The following KDM4C variants were observed in gnomAD, a reference collection of about 807,000 sequenced individuals.
The protein encoded by KDM4C is lysine-specific demethylase 4C.
A neutral mutation model predicts 129.3 loss-of-function variants in KDM4C; 81 were observed. The observed-to-expected ratio is 0.63, with a 90% CI of 0.52 to 0.75. KDM4C has a LOEUF of 0.75. Ranked by LOEUF, KDM4C falls within the 30% of genes least tolerant of loss-of-function variation. KDM4C has a pLI of 0.00. For missense variants in KDM4C, 1,457 were observed against 1,304.0 expected, an observed-to-expected ratio of 1.12 and a Z score of -1.81; for synonymous variants, 573 against 456.1, an observed-to-expected ratio of 1.26 and a Z score of -3.26.
chr9:7,011,852 C>A lies in KDM4C; in HGVS notation c.1941C>A (p.Ile647=). 2 of 1,613,846 alleles carry A rather than the reference C, an allele frequency of 1.2e-6. No individual in the cohort carries two copies. The highest frequency in any genetic ancestry group is 1.1e-5 in the South Asian group (1 of 91,062). The change falls in exon 13 of 22, where the codon ATC becomes ATA. Residue 647 remains isoleucine (I), a synonymous_variant. Coordinates refer to ENST00000381309, the MANE Select transcript of KDM4C (RefSeq NM_015061.6). ...TVARMKPHCA[I]CTLLMPYHKP... is the part of the protein sequence containing the mutation. ...CCAGGATGAAGCCACACTGTGCCAT[C>A]TGCACTCTGCTCATGCCGTACCACA...
At chr9:6,952,495 C>CA (rs1204549424) in intron 8 of KDM4C, among the ~76,000 whole-genome samples, 1 of 151,466 alleles carries the variant, frequency 6.6e-6, no homozygotes, top group Admixed American at 6.6e-5. Context: ...GGCTGGAGTG[C>CA]AGTGGCACGA....
chr9:7,005,975 A>G (rs2132081439), intron 12 of KDM4C, among the ~76,000 whole-genome samples: 1 of 152,288 alleles, frequency 6.6e-6, no homozygotes, highest in South Asian at 2.1e-4. Context: ...TCAAATATAT[A>G]TTTTCTAGTG....
intron 8 of KDM4C, among the ~76,000 whole-genome samples, chr9:6,970,802 C>A (rs1189648164): frequency 7.2e-6 from 1 of 138,452 alleles, no homozygotes; most frequent in East Asian, 2.5e-4. Context: ...CACCCCCCGC[C>A]CCTAACCCCC....
intron 17 of KDM4C, among the ~76,000 whole-genome samples, chr9:7,072,919 T>C (rs1274887789): frequency 6.6e-6 from 1 of 152,232 alleles, no homozygotes; most frequent in Non-Finnish European, 1.5e-5. Flanking sequence ...TTTTTAATGT[T>C]AGTAGATTGA....
At chr9:7,072,286 A>G (rs957450896) in intron 17 of KDM4C, among the ~76,000 whole-genome samples, 8 of 152,218 alleles carry the variant, frequency 5.3e-5, no homozygotes, top group African/African-American at 1.9e-4. Flanking sequence ...CATACCATCC[A>G]GCAATCCCAC....
chr9:6,842,004 A>G (rs1564138416), intron 4 of KDM4C, among the ~76,000 whole-genome samples: 1 of 152,154 alleles, frequency 6.6e-6, no homozygotes, highest in Non-Finnish European at 1.5e-5. Flanking sequence ...TTGCATATTG[A>G]TCATGGAACA....
intron 17 of KDM4C, among the ~76,000 whole-genome samples, chr9:7,051,956 A>G (rs998102976): frequency 5.9e-5 from 9 of 152,164 alleles, no homozygotes; most frequent in African/African-American, 1.9e-4. Flanking sequence ...GCCTTCACCA[A>G]ACAGGCATTG....
At chr9:6,882,207 AC>A (rs1844561057) in intron 6 of KDM4C, among the ~76,000 whole-genome samples, 1 of 152,220 alleles carries the variant, frequency 6.6e-6, no homozygotes, top group Non-Finnish European at 1.5e-5. Flanking sequence ...GTGAATTGTT[AC>A]AATTTTTATA....
At chr9:6,872,674 G>C (rs1315283536) in intron 5 of KDM4C, among the ~76,000 whole-genome samples, 1 of 152,106 alleles carries the variant, frequency 6.6e-6, no homozygotes, top group Non-Finnish European at 1.5e-5. Flanking sequence ...TTTTACCAGA[G>C]ACTAGGATGG....
chr9:6,964,183 G>A (rs1010080444), intron 8 of KDM4C, among the ~76,000 whole-genome samples: 2 of 152,068 alleles, frequency 1.3e-5, no homozygotes, highest in Admixed American at 6.5e-5. Flanking sequence ...TTGGTGTGCT[G>A]CACCCATTAA....
rs1414665128 is a variant in KDM4C, at chr9:6,829,794, A to T, written c.435+15049A>T. Among the ~76,000 whole-genome samples the T allele has an allele frequency of 2.0e-5, 3 of 152,336 alleles. No homozygotes were observed. In the South Asian group the frequency reaches 6.2e-4, roughly 32 times the overall value. ...AACCCAGCCTTGCCTGCAGGTTTAC[A>T]GAAGGGCTTTGATAAGGTATATCTA... On this transcript the variant is annotated intron_variant, in intron 4 of 21. Transcript: ENST00000381309.
intron 1 of KDM4C, among the ~76,000 whole-genome samples, chr9:6,728,654 G>A (rs900227856): frequency 6.6e-6 from 1 of 151,952 alleles, no homozygotes; most frequent in Non-Finnish European, 1.5e-5. Context: ...AGACCAGCCT[G>A]ACCAACATGG....
intron 17 of KDM4C, among the ~76,000 whole-genome samples, chr9:7,050,548 A>C (rs1830018719): frequency 6.6e-6 from 1 of 152,028 alleles, no homozygotes; most frequent in African/African-American, 2.4e-5. Flanking sequence ...TAAATAATTT[A>C]ATGTTTGGTG....
chr9:7,166,519 A>G (rs1338854553), intron 20 of KDM4C, among the ~76,000 whole-genome samples: 3 of 152,254 alleles, frequency 2.0e-5, no homozygotes, highest in East Asian at 1.9e-4. Flanking sequence ...TGACAGTCTC[A>G]AGATACAAAT....
At chr9:6,786,289 C>T (rs764990948) in intron 1 of KDM4C, among the ~76,000 whole-genome samples, 1 of 152,132 alleles carries the variant, frequency 6.6e-6, no homozygotes. Flanking sequence ...TGTCCTTTAT[C>T]ATAATGTAAA....
chr9:6,771,810 G>C (rs776401635), intron 1 of KDM4C, among the ~76,000 whole-genome samples: 4 of 151,952 alleles, frequency 2.6e-5, no homozygotes, highest in Non-Finnish European at 5.9e-5. Context: ...TGAGGGGCTC[G>C]CTGCCCAGGC....
chr9:6,926,984 A>G (rs1480825814), intron 8 of KDM4C, among the ~76,000 whole-genome samples: 1 of 152,204 alleles, frequency 6.6e-6, no homozygotes, highest in Non-Finnish European at 1.5e-5. Flanking sequence ...GAGGGAAAAT[A>G]TATTGATTGG....
At chr9:7,030,744 G>A (rs1283969321) in intron 15 of KDM4C, among the ~76,000 whole-genome samples, 1 of 152,066 alleles carries the variant, frequency 6.6e-6, no homozygotes, top group African/African-American at 2.4e-5. Flanking sequence ...AGTTAATTCA[G>A]GAGAATTTGA....
At chr9:7,073,153 C>T (rs1242263012) in intron 17 of KDM4C, among the ~76,000 whole-genome samples, 3 of 152,154 alleles carry the variant, frequency 2.0e-5, no homozygotes, top group African/African-American at 7.2e-5. Context: ...GTGGAATCTT[C>T]TTCTTAGAAT....
Sources: allele counts gnomAD v4.1 joint callset (sites outside exome capture counted in the v4.1 genomes callset), GRCh38; gene constraint gnomAD v4.1.1; transcripts MANE v1.5; gene names NCBI Gene and HGNC (gene_info 2026-07-23, HGNC 2026-07-21).